The following UGT2B4 variants were observed in gnomAD, a reference collection of about 807,000 sequenced individuals.
The protein encoded by UGT2B4 is UDP glucuronosyltransferase family 2 member B4.
A neutral mutation model predicts 49.8 loss-of-function variants in UGT2B4; 49 were observed. The ratio of observed to expected loss-of-function variants is 0.98; its 90% confidence interval spans 0.78 to 1.25. The LOEUF (loss-of-function observed/expected upper bound fraction) is 1.25. Ranked by LOEUF, UGT2B4 falls within the 50% of genes most tolerant of loss-of-function variation. UGT2B4 has a pLI of 0.00. For missense variants in UGT2B4, 729 were observed against 627.7 expected (o/e 1.16, Z -1.73); for synonymous variants, 246 against 217.7 (o/e 1.13, Z -1.14).
intron 3 of UGT2B4, among the ~76,000 whole-genome samples, chr4:69,487,196 GA>G (rs1727815582): frequency 6.6e-6 from 1 of 152,288 alleles, no homozygotes; most frequent in African/African-American, 2.4e-5. Context: ...CCTAGAGGCA[GA>G]AATACCATTC....
At chr4:69,483,668 C>T (rs1377554568) in intron 5 of UGT2B4, among the ~76,000 whole-genome samples, 1 of 151,542 alleles carries the variant, frequency 6.6e-6, no homozygotes, top group Non-Finnish European at 1.5e-5. Context: ...TAAAGTATTC[C>T]TTTAGGTGAA....
At chr4:69,496,098 G>C, upstream of UGT2B4, 2 of 382,632 alleles carry the variant, frequency 5.2e-6, no homozygotes, top group Admixed American at 4.7e-5. Context: ...AGAGCTCACT[G>C]CAAGCTCCTC....
chr4:69,519,552 T>G (rs1728801967), intron 1 of UGT2B4, among the ~76,000 whole-genome samples: 1 of 152,204 alleles, frequency 6.6e-6, no homozygotes, highest in Non-Finnish European at 1.5e-5. Context: ...TAAGTCAAAG[T>G]GAACAGCCAA....
upstream of UGT2B4, among the ~76,000 whole-genome samples, chr4:69,498,002 T>C (rs1728210537): frequency 9.9e-6 from 1 of 100,886 alleles, no homozygotes; most frequent in South Asian, 3.7e-4. Context: ...TGCAAGACTC[T>C]CCACGAAGAA....
At chr4:69,489,873 A>T (rs779114371) in intron 2 of UGT2B4, among the ~76,000 whole-genome samples, 1 of 152,104 alleles carries the variant, frequency 6.6e-6, no homozygotes, top group African/African-American at 2.4e-5. Context: ...CACTTATCAT[A>T]TTATAAGTAC....
At chr4:69,518,524 T>C (rs1728783337) in intron 1 of UGT2B4, 1 of 152,210 alleles carries the variant, frequency 6.6e-6, no homozygotes, top group Admixed American at 6.5e-5. Context: ...TAGCTTTTTG[T>C]AAGTTTAATA....
At chr4:69,523,536 C>A (rs1728892436) in intron 1 of UGT2B4, among the ~76,000 whole-genome samples, 1 of 133,616 alleles carries the variant, frequency 7.5e-6, no homozygotes, top group South Asian at 2.4e-4. Context: ...TTCAGTAAAT[C>A]ATGCTATAAA....
intron 3 of UGT2B4, 71 bp downstream of exon 3, chr4:69,489,368 A>T: frequency 6.3e-7 from 1 of 1,582,974 alleles, no homozygotes; most frequent in Non-Finnish European, 8.6e-7. Flanking sequence ...AAGTTTCTAC[A>T]ATTGGGTTCT....
chr4:69,493,893 G>A, intron 1 of UGT2B4, 52 bp from the exon 2 acceptor site: 2 of 1,541,722 alleles, frequency 1.3e-6, no homozygotes, highest in South Asian at 1.3e-5. Context: ...AATTAAACTA[G>A]GTAATTTTCT....
chr4:69,498,820 TG>T (rs1472663604), upstream of UGT2B4, among the ~76,000 whole-genome samples: 2 of 152,204 alleles, frequency 1.3e-5, no homozygotes, highest in Non-Finnish European at 2.9e-5. Flanking sequence ...AAACAGCTCC[TG>T]GATTTGTTGA....
At chr4:69,483,063 T>C (rs1727650422) in intron 5 of UGT2B4, among the ~76,000 whole-genome samples, 2 of 152,210 alleles carry the variant, frequency 1.3e-5, no homozygotes, top group South Asian at 4.1e-4. Context: ...AATTTATACA[T>C]ATATTTTCCT....
At chr4:69,493,057 T>C (rs1220794754) in intron 2 of UGT2B4, among the ~76,000 whole-genome samples, 4 of 152,198 alleles carry the variant, frequency 2.6e-5, no homozygotes, top group Non-Finnish European at 5.9e-5. Context: ...CCTATCAGCA[T>C]CATCTGATTC....
chr4:69,495,125 C>A lies in UGT2B4; in HGVS notation c.721+16G>T. The A allele has an allele frequency of 6.6e-7, 1 of 1,507,430 alleles. No homozygotes were observed. The highest frequency in any genetic ancestry group is 8.8e-7 in the Non-Finnish European group (1 of 1,132,246). The allele number at this position is 1,507,430 out of a possible 1,614,324, so 93.4% of individuals were successfully genotyped here. ...AAAGTTAGATCTTCATGTTACCAATCAAAAAAGTTACTTACCTAGAACTTC... is the reference window on the plus strand; with the variant it reads ...AAAGTTAGATCTTCATGTTACCAATAAAAAAAGTTACTTACCTAGAACTTC... On this transcript the variant is annotated intron_variant, in intron 1 of 5. Transcript: ENST00000305107.
chr4:69,496,044 T>C, upstream of UGT2B4: 1 of 974,558 alleles, frequency 1.0e-6, no homozygotes, highest in South Asian at 2.7e-5. Context: ...ATGACCTGTT[T>C]ACACAAGTGC....
At chr4:69,494,356 A>T (rs184799942) in intron 1 of UGT2B4, among the ~76,000 whole-genome samples, 121 of 152,314 alleles carry the variant, frequency 7.9e-4, no homozygotes, top group African/African-American at 2.9e-3. Flanking sequence ...CTTTTGAGTC[A>T]TGCTAACCTC....
intron 1 of UGT2B4, 136 bp downstream of exon 1, chr4:69,495,005 G>A: frequency 3.7e-6 from 3 of 810,234 alleles, no homozygotes; most frequent in Non-Finnish European, 5.4e-6. Flanking sequence ...GAGTTTGGTA[G>A]ATCATCTTAC....
intron 2 of UGT2B4, among the ~76,000 whole-genome samples, chr4:69,489,986 T>G (rs775851071): frequency 1.1e-4 from 17 of 152,172 alleles, no homozygotes; most frequent in Non-Finnish European, 2.5e-4. Flanking sequence ...AGAATTATTT[T>G]AGTTTGAAGT....
In UGT2B4 at chr4:69,514,009, A is replaced by AT. The variant is rs77344785; in HGVS notation, c.-106+11677dup. ...TGGGGTTTTATTTTATTTTTTTTTA[A>AT]TTTTTTTTTATTACTATCCCTAATG... On this transcript the variant is annotated intron_variant, in intron 1 of 1. Coordinates refer to the UGT2B4 transcript ENST00000510114. Among the ~76,000 whole-genome samples the AT allele has an allele frequency of 4.3e-3, 649 of 150,482 alleles. 6 individuals carry two copies. Among genetic ancestry groups the AT allele is most frequent in the African/African-American group, 0.014 (553 of 40,834 alleles).
chr4:69,489,200 C>T (rs753202575), intron 3 of UGT2B4, among the ~76,000 whole-genome samples: 1 of 152,114 alleles, frequency 6.6e-6, no homozygotes, highest in African/African-American at 2.4e-5. Flanking sequence ...ACCTGCAACT[C>T]TTAATTGTAT....
Sources: gnomAD v4.1 joint callset for allele counts (sites outside exome capture counted in the v4.1 genomes callset) on GRCh38, gnomAD v4.1.1 for gene constraint, MANE v1.5 for transcripts, NCBI Gene and HGNC (gene_info 2026-07-23, HGNC 2026-07-21) for gene names.